Variants in AHCY observed in about 807,000 individuals in gnomAD.
AHCY encodes S-adenosyl-L-homocysteine hydrolase.
Under a neutral mutation model 45.4 loss-of-function variants are expected in AHCY, and 24 were observed. That is an observed-to-expected ratio of 0.53 (90% CI 0.38 to 0.74). The LOEUF (loss-of-function observed/expected upper bound fraction) is 0.74. Among genes scored for constraint, AHCY ranks in the 30% least tolerant of loss-of-function variants. AHCY has a pLI of 0.00. For synonymous variants in AHCY, 245 were observed against 235.1 expected, an observed-to-expected ratio of 1.04 and a Z score of -0.39; for missense variants, 449 against 594.1, an observed-to-expected ratio of 0.76 and a Z score of 2.54.
At chr20:34,303,194 C>G in intron 1 of AHCY, 49 bp downstream of exon 1, 1 of 1,550,422 alleles carries the variant, frequency 6.4e-7, no homozygotes, top group Admixed American at 2.0e-5. Flanking sequence ...CGAACAAGCC[C>G]CGGGCGGGTG....
chr20:34,269,133 C>T, the AHCY span: 3 of 1,551,756 alleles, frequency 1.9e-6, no homozygotes, highest in Admixed American at 5.8e-5. Context: ...TTCCGCAGCG[C>T]CTGCTCCTGC....
chr20:34,240,110 A>T, the AHCY span, among the ~76,000 whole-genome samples: 1 of 152,224 alleles, frequency 6.6e-6, no homozygotes, highest in Admixed American at 6.5e-5. Flanking sequence ...CTGTTTTGAA[A>T]GAAAGCTCAT....
the AHCY span, among the ~76,000 whole-genome samples, chr20:34,232,894 A>G: frequency 6.6e-6 from 1 of 152,190 alleles, no homozygotes; most frequent in South Asian, 2.1e-4. Context: ...CAAACAAACC[A>G]TGTAACTATT....
intron 5 of AHCY, among the ~76,000 whole-genome samples, 173 bp downstream of exon 5, chr20:34,291,246 C>A (rs918413990): frequency 1.3e-5 from 2 of 152,220 alleles, no homozygotes; most frequent in African/African-American, 4.8e-5. Flanking sequence ...GCTCCTAACA[C>A]CCAGCTCTGA....
chr20:34,272,901 C>T, the AHCY span, among the ~76,000 whole-genome samples: 27 of 152,148 alleles, frequency 1.8e-4, no homozygotes, highest in Non-Finnish European at 2.9e-5. Flanking sequence ...CAGGGAAACA[C>T]ACCAGTTTAT....
chr20:34,281,265 C>G, intron 9 of AHCY, 100 bp from the exon 10 acceptor site: 1 of 1,551,760 alleles, frequency 6.4e-7, no homozygotes, highest in East Asian at 2.2e-5. Context: ...GTTAGGGTTT[C>G]TGCCATGTGT....
Position 34,290,636 on chromosome 20 carries a change from A to G in AHCY, c.769T>C (p.Tyr257His), listed in dbSNP as rs140810436. Residue 257 changes from tyrosine (Y) to histidine (H), a missense_variant and splice_region_variant, in exon 7 of 10, where the codon TAT becomes CAT. Coordinates refer to ENST00000217426, the MANE Select transcript of AHCY (RefSeq NM_000687.4). This position sits in a 1 kb window ranked among gnomAD's most constrained non-coding sequence, Gnocchi z 4.5. Reference sequence around the variant, plus strand: ...GCCTCATCCATGGTGGTCACCTCATAGCCTGTGCAGAGACAGTGGCTGTGG... The same window carrying G: ...GCCTCATCCATGGTGGTCACCTCATGGCCTGTGCAGAGACAGTGGCTGTGG... ...INALQAAMEGYEVTTMDEACQ... is the reference protein window; with the variant it reads ...INALQAAMEGHEVTTMDEACQ... 214 of 1,614,066 alleles carry G rather than the reference A, an allele frequency of 1.3e-4. No individual in the cohort carries two copies. Among genetic ancestry groups the G allele is most frequent in the Non-Finnish European group, 1.8e-4 (207 of 1,180,044 alleles).
At chr20:34,237,404 C>A in the AHCY span, among the ~76,000 whole-genome samples, 1 of 152,066 alleles carries the variant, frequency 6.6e-6, no homozygotes. Context: ...TATGTTAATT[C>A]CTAATTCTTT....
upstream of AHCY, among the ~76,000 whole-genome samples, chr20:34,305,847 C>T (rs1186499017): frequency 2.0e-5 from 3 of 152,124 alleles, 1 homozygote; most frequent in South Asian, 4.1e-4. Context: ...CTTTGGAAGC[C>T]GGGGCGAGTG....
the AHCY span, among the ~76,000 whole-genome samples, chr20:34,265,683 C>A: frequency 6.6e-6 from 1 of 152,154 alleles, no homozygotes; most frequent in Non-Finnish European, 1.5e-5. Flanking sequence ...GGCACAGTGG[C>A]TCACACCTGT....
At chr20:34,307,236 A>T (rs949365935), upstream of AHCY, among the ~76,000 whole-genome samples, 2 of 151,234 alleles carry the variant, frequency 1.3e-5, no homozygotes, top group Non-Finnish European at 2.9e-5. Context: ...TTACAGGTGC[A>T]TGTCGCTACC....
the AHCY span, among the ~76,000 whole-genome samples, chr20:34,262,143 AAG>A: frequency 6.6e-6 from 1 of 152,180 alleles, no homozygotes; most frequent in East Asian, 1.9e-4. Flanking sequence ...AGAAGAAAGA[AAG>A]AGGATATTCT....
At chr20:34,265,061 C>CT in the AHCY span, among the ~76,000 whole-genome samples, 1 of 152,100 alleles carries the variant, frequency 6.6e-6, no homozygotes, top group East Asian at 1.9e-4. Flanking sequence ...TCCTAAACTG[C>CT]TGGGATTACC....
At chr20:34,287,142 T>C (rs891469357) in intron 8 of AHCY, among the ~76,000 whole-genome samples, 1 of 152,016 alleles carries the variant, frequency 6.6e-6, no homozygotes, top group African/African-American at 2.4e-5. Flanking sequence ...CTAGTACCGA[T>C]CCAAGGAAAG....
the AHCY span, chr20:34,260,259 C>T: frequency 2.5e-6 from 3 of 1,183,758 alleles, no homozygotes; most frequent in South Asian, 3.4e-5. Flanking sequence ...AGGACACTTG[C>T]CTAACAGGGT....
At chr20:34,235,246 C>A in the AHCY span, among the ~76,000 whole-genome samples, 39,681 of 152,008 alleles carry the variant, frequency 0.26, 9,436 homozygotes, top group African/African-American at 0.64. Flanking sequence ...TTGAGACCAG[C>A]CTGATCAACA....
At chr20:34,275,687 T>C (rs2035905177), downstream of AHCY, among the ~76,000 whole-genome samples, 2 of 151,594 alleles carry the variant, frequency 1.3e-5, no homozygotes, top group African/African-American at 4.9e-5. Context: ...TCTTTCTTTT[T>C]TTTTTTTTTG....
rs1430445438 is a variant in AHCY at position 34,281,103 on chromosome 20, A to G, written c.1230T>C (p.Thr410=). 6.2e-7 allele frequency: 1 copy of G among 1,614,154 alleles called. No homozygotes were observed. The highest frequency in any genetic ancestry group is 8.5e-7 in the Non-Finnish European group (1 of 1,180,044). The change falls in exon 10 of 10, where the codon ACT becomes ACC. Residue 410 remains threonine, a synonymous_variant. Coordinates refer to ENST00000217426, the MANE Select transcript of AHCY (RefSeq NM_000687.4). ...GKLNVKLTKL[T]EKQAQYLGMS... is the part of the protein sequence containing the mutation. ...TGCCCAGGTACTGGGCTTGCTTCTC[A>G]GTTAGCTTGGTCAACTTCACATTCA...
chr20:34,254,226 C>A, the AHCY span, among the ~76,000 whole-genome samples: 1 of 152,194 alleles, frequency 6.6e-6, no homozygotes, highest in South Asian at 2.1e-4. Flanking sequence ...CCACACCCAG[C>A]TAATTTTTGT....
Sources: gnomAD v4.1 joint callset for allele counts (sites outside exome capture counted in the v4.1 genomes callset) on GRCh38, gnomAD v4.1.1 for gene constraint, Gnocchi (gnomAD v3.1) non-coding constraint, MANE v1.5 for transcripts, NCBI Gene and HGNC (gene_info 2026-07-23, HGNC 2026-07-21) for gene names.